Variants in ADGRL3 observed in about 807,000 individuals in gnomAD.
ADGRL3 encodes the protein calcium-independent alpha-latrotoxin receptor 3.
ADGRL3 carries 62 observed loss-of-function variants against 153.5 expected under a neutral mutation model. The observed-to-expected ratio is 0.40, with a 90% CI of 0.33 to 0.50. The LOEUF (loss-of-function observed/expected upper bound fraction) is 0.50, where lower values mean the gene tolerates loss of function less well. ADGRL3 is among the 20% of genes least tolerant of loss of function. The probability of loss-of-function intolerance (pLI) is 0.47; values close to 1 mark genes in which losing one functional copy is unlikely to be tolerated. For missense variants in ADGRL3, 1,641 were observed against 1,859.4 expected (o/e 0.88, Z 2.16); for synonymous variants, 710 against 672.5 (o/e 1.06, Z -0.86).
At chr4:61,618,355 A>T (rs2092231231) in intron 5 of ADGRL3, among the ~76,000 whole-genome samples, 1 of 152,246 alleles carries the variant, frequency 6.6e-6, no homozygotes. Context: ...ACAAACCAAG[A>T]TTGGGCATAA....
chr4:61,379,364 T>C (rs1170250964), intron 1 of ADGRL3, among the ~76,000 whole-genome samples: 1 of 152,084 alleles, frequency 6.6e-6, no homozygotes, highest in South Asian at 2.1e-4. Flanking sequence ...GAAAGCCATA[T>C]ACTTCTTTTT....
intron 4 of ADGRL3, among the ~76,000 whole-genome samples, chr4:61,558,661 G>C (rs1008364879): frequency 2.0e-5 from 3 of 151,752 alleles, no homozygotes; most frequent in African/African-American, 7.3e-5. Flanking sequence ...CTGCCTGCCT[G>C]TCTATGTGTC....
chr4:61,988,092 G>A (rs1212257492), intron 19 of ADGRL3, among the ~76,000 whole-genome samples: 1 of 151,972 alleles, frequency 6.6e-6, no homozygotes, highest in East Asian at 1.9e-4. Flanking sequence ...GTTTTTCTAT[G>A]AAATGTTGTT....
chr4:61,228,329 TAC>T (rs1748912730), intron 1 of ADGRL3, among the ~76,000 whole-genome samples: 1 of 152,226 alleles, frequency 6.6e-6, no homozygotes, highest in Admixed American at 6.5e-5. Context: ...CATTAAATGT[TAC>T]TGATACTAAC....
At chr4:61,409,378 A>G (rs2097054777) in intron 2 of ADGRL3, among the ~76,000 whole-genome samples, 1 of 124,308 alleles carries the variant, frequency 8.0e-6, no homozygotes, top group African/African-American at 2.8e-5. Flanking sequence ...TATAAGACAT[A>G]TATTATATAT....
At chr4:61,745,129 A>G (rs934145293) in intron 8 of ADGRL3, among the ~76,000 whole-genome samples, 13 of 152,228 alleles carry the variant, frequency 8.5e-5, no homozygotes, top group African/African-American at 3.1e-4. Flanking sequence ...TGGAAGATGA[A>G]ATGAATGAAC....
At chr4:61,524,200 C>G (rs796610703) in intron 4 of ADGRL3, among the ~76,000 whole-genome samples, 9 of 152,054 alleles carry the variant, frequency 5.9e-5, no homozygotes, top group African/African-American at 2.2e-4. Flanking sequence ...AAAGAGGAAA[C>G]TTACGTTATA....
intron 4 of ADGRL3, among the ~76,000 whole-genome samples, chr4:61,544,189 T>G (rs1579439613): frequency 6.6e-6 from 1 of 152,332 alleles, no homozygotes; most frequent in East Asian, 1.9e-4. Flanking sequence ...AGTTTTCACT[T>G]GCACCAGTGA....
At chr4:61,884,119 T>C (rs2098523724) in intron 9 of ADGRL3, among the ~76,000 whole-genome samples, 1 of 152,228 alleles carries the variant, frequency 6.6e-6, no homozygotes, top group Non-Finnish European at 1.5e-5. Context: ...TTAATAAATA[T>C]GGATGGAATA....
At chr4:61,417,224 T>A (rs115607952) in intron 2 of ADGRL3, among the ~76,000 whole-genome samples, 4,845 of 152,154 alleles carry the variant, frequency 0.032, 237 homozygotes, top group East Asian at 0.21. Flanking sequence ...CCGGGGGTGG[T>A]GGCTTACACC....
chr4:61,438,428 T>C (rs891272088), intron 2 of ADGRL3, among the ~76,000 whole-genome samples: 2 of 151,646 alleles, frequency 1.3e-5, no homozygotes, highest in East Asian at 1.9e-4. Flanking sequence ...TAGTTACATA[T>C]GTATACATGT....
intron 1 of ADGRL3, among the ~76,000 whole-genome samples, chr4:61,286,948 A>G (rs1489149498): frequency 1.3e-5 from 2 of 151,738 alleles, no homozygotes; most frequent in Non-Finnish European, 2.9e-5. Context: ...CAGGATATCT[A>G]TATTTTTTAG....
intron 6 of ADGRL3, among the ~76,000 whole-genome samples, chr4:61,712,731 T>C (rs983259210): frequency 1.3e-5 from 2 of 152,182 alleles, no homozygotes; most frequent in African/African-American, 2.4e-5. Flanking sequence ...TATGTGAACA[T>C]ACTTTGGTCA....
intron 1 of ADGRL3, among the ~76,000 whole-genome samples, chr4:61,372,541 G>T (rs566624618): frequency 1.3e-5 from 2 of 152,162 alleles, no homozygotes; most frequent in African/African-American, 2.4e-5. Context: ...TAGGCTGCTC[G>T]GGGGTCAGGG....
chr4:61,727,369 T>G (rs1381647421), intron 6 of ADGRL3, among the ~76,000 whole-genome samples: 1 of 152,044 alleles, frequency 6.6e-6, no homozygotes, highest in Admixed American at 6.6e-5. Context: ...AGAGGCTGAA[T>G]GCACAGTAAA....
intron 25 of ADGRL3, among the ~76,000 whole-genome samples, chr4:62,062,024 A>G (rs1406253456): frequency 6.6e-6 from 1 of 152,028 alleles, no homozygotes; most frequent in Non-Finnish European, 1.5e-5. Context: ...AAGTAGTTTT[A>G]TAAGAAACTG....
At position 61,289,778 on chromosome 4, in the gene ADGRL3, G is replaced by A. The variant is rs1245964161; in HGVS notation, c.-240+88013G>A. ...GATTCTGGCGTAATATAAGGAGATAGTAAGAGGACACTAAAGGCAGAATGT... is the reference window on the plus strand; with the variant it reads ...GATTCTGGCGTAATATAAGGAGATAATAAGAGGACACTAAAGGCAGAATGT... On this transcript the variant is annotated intron_variant, in intron 1 of 26. Transcript: ENST00000683033. Among the ~76,000 whole-genome samples the A allele has an allele frequency of 2.6e-5, 4 of 152,082 alleles. No individual in the cohort carries two copies. The East Asian group carries it at 7.7e-4, about 29-fold the overall frequency.
intron 2 of ADGRL3, among the ~76,000 whole-genome samples, chr4:61,432,698 G>C (rs1237489842): frequency 7.3e-6 from 1 of 137,412 alleles, no homozygotes; most frequent in African/African-American, 2.7e-5. Context: ...TTGTTGCCCA[G>C]GCTGGACTGT....
At chr4:61,821,160 T>C (rs376657528) in intron 9 of ADGRL3, among the ~76,000 whole-genome samples, 98 of 144,052 alleles carry the variant, frequency 6.8e-4, no homozygotes, top group African/African-American at 2.5e-3. Context: ...TCACTAACAA[T>C]TGAAGTTAGA....
Sources: gnomAD v4.1 joint callset for allele counts (sites outside exome capture counted in the v4.1 genomes callset) on GRCh38, gnomAD v4.1.1 for gene constraint, MANE v1.5 for transcripts, NCBI Gene and HGNC (gene_info 2026-07-23, HGNC 2026-07-21) for gene names.